The following MKLN1 variants were observed in gnomAD, a reference collection of about 807,000 sequenced individuals.
MKLN1 encodes muskelin.
A neutral mutation model predicts 99.0 loss-of-function variants in MKLN1; 18 were observed. The observed-to-expected ratio is 0.18, with a 90% CI of 0.13 to 0.27. The LOEUF (loss-of-function observed/expected upper bound fraction) is 0.27. Ranked by LOEUF, MKLN1 falls within the 10% of genes least tolerant of loss-of-function variation. The pLI is 1.00. For missense variants in MKLN1, 621 were observed against 875.9 expected, an observed-to-expected ratio of 0.71 and a Z score of 3.67; for synonymous variants, 288 against 293.2, an observed-to-expected ratio of 0.98 and a Z score of 0.18.
chr7:131,458,188 C>T (rs1330748661), intron 12 of MKLN1, among the ~76,000 whole-genome samples: 4 of 152,054 alleles, frequency 2.6e-5, no homozygotes, highest in Non-Finnish European at 4.4e-5. Context: ...TGAGAAAAAA[C>T]GATAAAGTTT....
chr7:131,470,959 T>C lies in MKLN1; in HGVS notation c.2031+15T>C. 6.5e-7 allele frequency: 1 copy of C among 1,527,280 alleles called. No individual in the cohort carries two copies. Among genetic ancestry groups the C allele is most frequent in the Non-Finnish European group, 9.0e-7 (1 of 1,113,714 alleles). The allele number at this position is 1,527,280 out of a possible 1,614,324, so 94.6% of individuals were successfully genotyped here. A position where few individuals can be genotyped will look rare whatever the true frequency, so the allele number is the denominator to read the frequency against. On this transcript the variant is annotated intron_variant, in intron 16 of 17. Transcript: ENST00000352689. Reference sequence around the variant, plus strand: ...AGACAAAAGAGGTAAAGAAAGGTGGTAATAAATTTCAGAAATTAAGTATTT... The same window carrying C: ...AGACAAAAGAGGTAAAGAAAGGTGGCAATAAATTTCAGAAATTAAGTATTT...
intron 3 of MKLN1, among the ~76,000 whole-genome samples, chr7:131,248,074 ATTATT>A (rs1475361313): frequency 2.4e-4 from 14 of 57,328 alleles, no homozygotes; most frequent in African/African-American, 1.4e-3. Flanking sequence ...AATTACATTT[ATTATT>A]TATTTATTTA....
chr7:131,164,386 AT>A (rs1563237167), intron 2 of MKLN1, among the ~76,000 whole-genome samples: 1 of 152,170 alleles, frequency 6.6e-6, no homozygotes, highest in East Asian at 1.9e-4. Context: ...AAGTACTAGG[AT>A]TACAGGTGTG....
chr7:131,428,408 A>G (rs545463068), intron 8 of MKLN1, among the ~76,000 whole-genome samples: 22 of 152,318 alleles, frequency 1.4e-4, no homozygotes, highest in Middle Eastern at 3.4e-3. Context: ...CCCAGTTTTT[A>G]TAGGAATATC....
intron 2 of MKLN1, among the ~76,000 whole-genome samples, chr7:131,181,867 T>C (rs1796382053): frequency 6.6e-6 from 1 of 151,968 alleles, no homozygotes. Context: ...ACCATATTGG[T>C]CAGGCTGGTC....
chr7:131,458,668 C>CT (rs1796420340), intron 12 of MKLN1, among the ~76,000 whole-genome samples: 1 of 151,714 alleles, frequency 6.6e-6, no homozygotes, highest in Admixed American at 6.6e-5. Flanking sequence ...TCTTGGATTC[C>CT]TTTTTTTGTT....
At chr7:131,162,465 A>T (rs1796069551) in intron 2 of MKLN1, among the ~76,000 whole-genome samples, 1 of 152,198 alleles carries the variant, frequency 6.6e-6, no homozygotes, top group Admixed American at 6.5e-5. Flanking sequence ...ACAAGCACAG[A>T]TTGTCCCATG....
chr7:131,227,832 C>T (rs1392798978), intron 3 of MKLN1, among the ~76,000 whole-genome samples: 1 of 152,126 alleles, frequency 6.6e-6, no homozygotes, highest in African/African-American at 2.4e-5. Flanking sequence ...TCCCAAAGTG[C>T]TGGGATTACA....
At chr7:131,264,744 C>T (rs1797783015) in intron 3 of MKLN1, among the ~76,000 whole-genome samples, 1 of 152,042 alleles carries the variant, frequency 6.6e-6, no homozygotes, top group African/African-American at 2.4e-5. Flanking sequence ...AATTTTCTGC[C>T]TTAGCAGGAC....
At chr7:131,302,471 A>T (rs947591842) in intron 3 of MKLN1, among the ~76,000 whole-genome samples, 1 of 152,210 alleles carries the variant, frequency 6.6e-6, no homozygotes, top group Non-Finnish European at 1.5e-5. Flanking sequence ...TTTCTGAGCC[A>T]ATTTCACTCT....
At chr7:131,437,213 A>G (rs1477433497) in intron 9 of MKLN1, among the ~76,000 whole-genome samples, 2 of 152,012 alleles carry the variant, frequency 1.3e-5, no homozygotes, top group Admixed American at 6.6e-5. Context: ...TCCTAATGCT[A>G]TCCCTCCCCC....
intron 9 of MKLN1, among the ~76,000 whole-genome samples, chr7:131,437,017 G>T (rs1429581320): frequency 6.6e-6 from 1 of 152,018 alleles, no homozygotes; most frequent in Non-Finnish European, 1.5e-5. Flanking sequence ...ATATTTCCTT[G>T]CTAGGCTTGT....
intron 6 of MKLN1, among the ~76,000 whole-genome samples, chr7:131,401,674 T>C (rs1043072500): frequency 6.6e-6 from 1 of 152,164 alleles, no homozygotes; most frequent in Non-Finnish European, 1.5e-5. Context: ...CTTGGAGATA[T>C]TGCAGGTTTG....
At chr7:131,329,121 A>C (rs1252053212) in intron 1 of MKLN1, among the ~76,000 whole-genome samples, 1 of 152,250 alleles carries the variant, frequency 6.6e-6, no homozygotes, top group East Asian at 1.9e-4. Flanking sequence ...AGATCTGTGA[A>C]GCATACTCAA....
rs372735428 is a variant in MKLN1, at chr7:131,306,019, TA to T, written c.-178-69404del. Among the ~76,000 whole-genome samples the T allele has an allele frequency of 3.0e-3, 455 of 152,292 alleles. 1 individual carries two copies. The highest frequency in any genetic ancestry group is 0.01 in the African/African-American group (433 of 41,558). On this transcript the variant is annotated intron_variant, in intron 3 of 7. Coordinates refer to the MKLN1 transcript ENST00000416992. ...CTGGATCATGAGGGTGGATTTCCCC[TA>T]TTCTGTTCACATGATAGTGAGTTCT... is the stretch of plus-strand genomic sequence containing the variant.
At chr7:131,138,811 T>G (rs1007941146) in intron 1 of MKLN1, among the ~76,000 whole-genome samples, 1 of 152,232 alleles carries the variant, frequency 6.6e-6, no homozygotes, top group Non-Finnish European at 1.5e-5. Flanking sequence ...TTATCTCCTC[T>G]CTGTGCTATA....
At chr7:131,204,805 G>T (rs1322919505) in intron 3 of MKLN1, among the ~76,000 whole-genome samples, 1 of 152,150 alleles carries the variant, frequency 6.6e-6, no homozygotes, top group Non-Finnish European at 1.5e-5. Flanking sequence ...GTGGTGGCAG[G>T]TGCCTGTAGT....
At chr7:131,157,873 T>C (rs961834061) in intron 2 of MKLN1, among the ~76,000 whole-genome samples, 2 of 152,186 alleles carry the variant, frequency 1.3e-5, no homozygotes, top group African/African-American at 4.8e-5. Flanking sequence ...TGGAGTCTAG[T>C]CTCGTATTTG....
intron 2 of MKLN1, among the ~76,000 whole-genome samples, chr7:131,165,025 G>A (rs976893343): frequency 6.6e-6 from 1 of 152,140 alleles, no homozygotes; most frequent in Non-Finnish European, 1.5e-5. Flanking sequence ...CAGAATGTGT[G>A]AGTAGTGGAA....
Sources: gnomAD v4.1 joint callset for allele counts (sites outside exome capture counted in the v4.1 genomes callset) on GRCh38, gnomAD v4.1.1 for gene constraint, MANE v1.5 for transcripts, NCBI Gene and HGNC (gene_info 2026-07-23, HGNC 2026-07-21) for gene names.